Variants in MEI4 observed in about 807,000 individuals in gnomAD.
MEI4 encodes meiotic double-stranded break formation protein 4.
Under a neutral mutation model 31.4 loss-of-function variants are expected in MEI4, and 27 were observed. The observed-to-expected ratio is 0.86, with a 90% confidence interval of 0.63 to 1.19. The LOEUF (loss-of-function observed/expected upper bound fraction) is 1.19. Ranked by LOEUF, MEI4 falls within the 50% of genes most tolerant of loss-of-function variation. MEI4 has a pLI of 0.00. For synonymous variants in MEI4, 122 were observed against 145.4 expected (o/e 0.84, Z 1.16); for missense variants, 329 against 398.9 (o/e 0.82, Z 1.49).
chr6:77,727,323 T>A (rs1303652284), intron 2 of MEI4, among the ~76,000 whole-genome samples: 4 of 152,224 alleles, frequency 2.6e-5, no homozygotes, highest in Non-Finnish European at 5.9e-5. Flanking sequence ...GGAGAAACAC[T>A]ATCATTTGTC....
intron 2 of MEI4, among the ~76,000 whole-genome samples, chr6:77,716,618 G>T (rs1028133043): frequency 6.6e-6 from 1 of 152,182 alleles, no homozygotes; most frequent in African/African-American, 2.4e-5. Context: ...GGCAAGGGTA[G>T]TATCAGTCGG....
intron 2 of MEI4, among the ~76,000 whole-genome samples, chr6:77,744,904 C>A (rs895640209): frequency 2.6e-5 from 4 of 152,158 alleles, no homozygotes; most frequent in African/African-American, 9.7e-5. Context: ...AAATGCTTTA[C>A]AGAGAAGCAA....
intron 2 of MEI4, among the ~76,000 whole-genome samples, chr6:77,735,202 TCTC>T (rs1767151463): frequency 6.6e-6 from 1 of 152,020 alleles, no homozygotes; most frequent in Non-Finnish European, 1.5e-5. Flanking sequence ...TTGGGGAAGT[TCTC>T]CTGGATAATA....
chr6:77,838,741 A>C (rs1170322708), intron 4 of MEI4, among the ~76,000 whole-genome samples: 1 of 152,030 alleles, frequency 6.6e-6, no homozygotes, highest in East Asian at 1.9e-4. Flanking sequence ...GTCTCTACTA[A>C]AAATACAAAA....
chr6:77,827,484 C>T (rs1196155114), intron 3 of MEI4, among the ~76,000 whole-genome samples: 1 of 151,888 alleles, frequency 6.6e-6, no homozygotes, highest in Non-Finnish European at 1.5e-5. Context: ...ATGCCCTGTA[C>T]CTACTTCTTT....
At position 77,923,638 on chromosome 6, in the gene MEI4, A is replaced by G. The variant is rs1259166958; in HGVS notation, c.*292A>G. 1 of 193,686 alleles carries G rather than the reference A, an allele frequency of 5.2e-6. No homozygotes were observed. The highest frequency in any genetic ancestry group is 2.3e-5 in the African/African-American group (1 of 43,268). The allele number at this position is 193,686 out of a possible 1,614,324, so 12.0% of individuals were successfully genotyped here. A position where few individuals can be genotyped will look rare whatever the true frequency, so the allele number is the denominator to read the frequency against. The stretch of plus-strand genomic sequence containing the variant: ...CTATTATTCTGTAAAATGGACCATT[A>G]ATTGTCTGTCCCTTAAAAGATATTG... On this transcript the variant is annotated 3_prime_UTR_variant, in exon 5 of 5. Coordinates refer to ENST00000684080, the MANE Select transcript of MEI4 (RefSeq NM_001322247.2).
intron 4 of MEI4, among the ~76,000 whole-genome samples, chr6:77,829,870 G>A (rs1770036862): frequency 6.6e-6 from 1 of 152,060 alleles, no homozygotes; most frequent in Non-Finnish European, 1.5e-5. Context: ...ACAAAGTACT[G>A]ACATCTAATG....
intron 4 of MEI4, among the ~76,000 whole-genome samples, chr6:77,880,827 A>G (rs911302770): frequency 1.3e-5 from 2 of 152,162 alleles, no homozygotes; most frequent in Admixed American, 1.3e-4. Flanking sequence ...AGGAAAATGG[A>G]TAGAAATTTT....
intron 2 of MEI4, among the ~76,000 whole-genome samples, chr6:77,704,405 G>A (rs1039846576): frequency 2.0e-5 from 3 of 152,130 alleles, no homozygotes; most frequent in Non-Finnish European, 4.4e-5. Flanking sequence ...TATAGATAAG[G>A]AAATGAGGAA....
chr6:77,922,643 G>C (rs764204559), intron 4 of MEI4, among the ~76,000 whole-genome samples: 1 of 151,618 alleles, frequency 6.6e-6, no homozygotes, highest in African/African-American at 2.4e-5. Flanking sequence ...AGTTGTATCA[G>C]GAAGATTCAG....
At chr6:77,777,536 G>C (rs940728538) in intron 3 of MEI4, among the ~76,000 whole-genome samples, 2 of 152,148 alleles carry the variant, frequency 1.3e-5, no homozygotes, top group Admixed American at 6.5e-5. Context: ...ACCATCCCAA[G>C]AGGAAAGATA....
At chr6:77,819,431 T>A (rs927075158) in intron 3 of MEI4, among the ~76,000 whole-genome samples, 2 of 152,140 alleles carry the variant, frequency 1.3e-5, no homozygotes, top group Non-Finnish European at 2.9e-5. Flanking sequence ...CTTAGAGAAA[T>A]CATTATTGGA....
intron 2 of MEI4, among the ~76,000 whole-genome samples, chr6:77,724,850 C>T (rs1305840049): frequency 0.058 from 7,761 of 133,612 alleles, 8 homozygotes; most frequent in African/African-American, 0.12. Flanking sequence ...GAGCCATTAC[C>T]GGCTCTGCTA....
At chr6:77,664,550 A>T (rs1164057307) in intron 1 of MEI4, among the ~76,000 whole-genome samples, 1 of 152,058 alleles carries the variant, frequency 6.6e-6, no homozygotes, top group South Asian at 2.1e-4. Context: ...AAAAGATTAT[A>T]GGGTGGAGGA....
At chr6:77,651,453 A>C (rs9341678), upstream of MEI4, among the ~76,000 whole-genome samples, 10,885 of 152,290 alleles carry the variant, frequency 0.071, 512 homozygotes, top group African/African-American at 0.13. Context: ...TAATATTCAT[A>C]AAATGCACAT....
In MEI4 at chr6:77,847,775, AT is replaced by A. The variant is rs201569614; in HGVS notation, c.900+18718del. 8.4e-3 allele frequency among the ~76,000 whole-genome samples: 1,282 copies of A among 152,030 alleles called. 13 individuals are homozygous for A. The highest frequency in any genetic ancestry group is 0.029 in the African/African-American group (1,187 of 41,486). ...TGAGGTTAGTGAAAATTTCTTATTT[AT>A]TTTTCTATTTATATTACTCACCTAT... is the stretch of plus-strand genomic sequence containing the variant. On this transcript the variant is annotated intron_variant, in intron 4 of 4. Transcript: ENST00000684080. This position sits in a 1 kb window ranked among gnomAD's most constrained non-coding sequence, Gnocchi z 4.6.
intron 2 of MEI4, among the ~76,000 whole-genome samples, chr6:77,755,308 A>G (rs1465651856): frequency 6.6e-6 from 1 of 152,226 alleles, no homozygotes; most frequent in Non-Finnish European, 1.5e-5. Context: ...TATAAACAGA[A>G]AAAAAATGTA....
At chr6:77,817,683 ATG>A (rs1562000737) in intron 3 of MEI4, among the ~76,000 whole-genome samples, 1 of 152,018 alleles carries the variant, frequency 6.6e-6, no homozygotes, top group Non-Finnish European at 1.5e-5. Flanking sequence ...ATGGGATAAA[ATG>A]TGATGTTATA....
At chr6:77,715,420 T>C (rs1258299930) in intron 2 of MEI4, among the ~76,000 whole-genome samples, 1 of 152,160 alleles carries the variant, frequency 6.6e-6, no homozygotes, top group Non-Finnish European at 1.5e-5. Flanking sequence ...CTACAGAAAA[T>C]TGACTTTGAG....
Sources: allele counts gnomAD v4.1 joint callset (sites outside exome capture counted in the v4.1 genomes callset), GRCh38; gene constraint gnomAD v4.1.1; non-coding constraint Gnocchi (gnomAD v3.1); transcripts MANE v1.5; gene names NCBI Gene and HGNC (gene_info 2026-07-23, HGNC 2026-07-21).